Variants in SUCLG2 observed in about 807,000 individuals in gnomAD.
SUCLG2 encodes the protein succinate-CoA ligase GDP-forming subunit beta.
A neutral mutation model predicts 47.9 loss-of-function variants in SUCLG2; 42 were observed. The ratio of observed to expected loss-of-function variants is 0.88; its 90% CI spans 0.69 to 1.14. SUCLG2 has a LOEUF of 1.14. SUCLG2 is among the 50% of genes most tolerant of loss of function. The pLI, the probability that SUCLG2 is intolerant of heterozygous loss-of-function variation, is 0.00. For synonymous variants in SUCLG2, 195 were observed against 197.3 expected (o/e 0.99, Z 0.10); for missense variants, 571 against 525.9 (o/e 1.09, Z -0.84).
intron 1 of SUCLG2, among the ~76,000 whole-genome samples, chr3:67,651,786 A>G (rs936985557): frequency 1.2e-4 from 18 of 152,220 alleles, no homozygotes; most frequent in Admixed American, 7.8e-4. Flanking sequence ...AATTATGCCA[A>G]TCAAAAACAC....
intron 2 of SUCLG2, among the ~76,000 whole-genome samples, chr3:67,563,327 A>G (rs1276691848): frequency 6.6e-6 from 1 of 152,188 alleles, no homozygotes; most frequent in Non-Finnish European, 1.5e-5. Context: ...GACTTTGAAC[A>G]AGGCCCGTCA....
intron 2 of SUCLG2, among the ~76,000 whole-genome samples, chr3:67,537,466 T>C (rs1706576138): frequency 6.6e-6 from 1 of 152,246 alleles, no homozygotes; most frequent in African/African-American, 2.4e-5. Context: ...ATTCAGCCTA[T>C]CACTGATGGG....
chr3:67,371,877 C>T (rs1011702401), downstream of SUCLG2, among the ~76,000 whole-genome samples: 3 of 152,104 alleles, frequency 2.0e-5, no homozygotes, highest in Non-Finnish European at 4.4e-5. Context: ...CTTAAATTCT[C>T]GGAGTTACAA....
rs1261813842 is a variant in SUCLG2, at chr3:67,444,986, G to A, written c.1063-44135C>T. Among the ~76,000 whole-genome samples, 4 of 40,426 alleles carry A rather than the reference G, an allele frequency of 9.9e-5. 2 individuals are homozygous for A. In the Admixed American group the frequency reaches 1.1e-3, roughly 11 times the overall value. The allele number at this position is 40,426 out of a possible 152,430, so 26.5% of individuals were successfully genotyped here. A position where few individuals can be genotyped will look rare whatever the true frequency, so the allele number is the denominator to read the frequency against. ...CTGCCCGGCCAGCCGCCCCGTCTGG[G>A]AGGGAGGTTGGGGGGTCAGCCCCCC... On this transcript the variant is annotated intron_variant, in intron 9 of 10. Transcript: ENST00000307227.
intron 10 of SUCLG2, among the ~76,000 whole-genome samples, chr3:67,386,404 C>CA (rs1166024928): frequency 6.6e-6 from 1 of 152,112 alleles, no homozygotes; most frequent in Non-Finnish European, 1.5e-5. Flanking sequence ...TCAACAAACT[C>CA]AGATTACTAT....
intron 9 of SUCLG2, among the ~76,000 whole-genome samples, chr3:67,465,485 C>G (rs1269454202): frequency 6.6e-6 from 1 of 152,212 alleles, no homozygotes; most frequent in Admixed American, 6.5e-5. Flanking sequence ...GAATCCCTCT[C>G]TGGCCACCCC....
chr3:67,651,089 T>C (rs1033195214), intron 1 of SUCLG2, among the ~76,000 whole-genome samples: 7 of 152,216 alleles, frequency 4.6e-5, no homozygotes, highest in Admixed American at 2.6e-4. Flanking sequence ...TAACCATGGT[T>C]AGACCCTTAC....
downstream of SUCLG2, among the ~76,000 whole-genome samples, chr3:67,371,563 G>C (rs191162668): frequency 5.9e-5 from 9 of 152,286 alleles, no homozygotes; most frequent in Non-Finnish European, 1.0e-4. Context: ...CTTATGCCTT[G>C]TGCAAGTCCC....
chr3:67,364,341 A>G (rs1457495680), intron 10 of SUCLG2, among the ~76,000 whole-genome samples: 1 of 151,764 alleles, frequency 6.6e-6, no homozygotes, highest in Middle Eastern at 3.2e-3. Flanking sequence ...CTGGCCTTCC[A>G]CCCCTGCTCA....
intron 10 of SUCLG2, among the ~76,000 whole-genome samples, chr3:67,388,207 T>C (rs1702301267): frequency 3.3e-5 from 5 of 152,208 alleles, no homozygotes; most frequent in Admixed American, 1.3e-4. Context: ...TCCAAATTTA[T>C]GCAAAGAAAA....
intron 9 of SUCLG2, among the ~76,000 whole-genome samples, chr3:67,412,626 T>C (rs114176191): frequency 0.01 from 1,587 of 152,168 alleles, 17 homozygotes; most frequent in Non-Finnish European, 0.017. Flanking sequence ...TTGTCTTGGG[T>C]GGCTGTTTCC....
Position 67,407,205 on chromosome 3 carries a change from CA to C in SUCLG2, c.1063-6355del, listed in dbSNP as rs567494448. Among the ~76,000 whole-genome samples the C allele has an allele frequency of 4.6e-5, 7 of 152,292 alleles. No individual in the cohort carries two copies. The East Asian group carries it at 1.4e-3, about 29-fold the overall frequency. On this transcript the variant is annotated intron_variant, in intron 9 of 10. Transcript: ENST00000307227. Reference sequence around the variant, plus strand: ...AACAAGCGGTGAGCCAGATTTGGCCCACAGGTCATAGTTTGCTAACCTGACA... The same window carrying C: ...AACAAGCGGTGAGCCAGATTTGGCCCCAGGTCATAGTTTGCTAACCTGACA...
At chr3:67,406,130 G>A (rs1463860633) in intron 9 of SUCLG2, among the ~76,000 whole-genome samples, 2 of 152,076 alleles carry the variant, frequency 1.3e-5, no homozygotes, top group Non-Finnish European at 2.9e-5. Flanking sequence ...AAGACTCAGA[G>A]GTAGAAACAA....
chr3:67,623,910 G>A (rs1038486152), intron 1 of SUCLG2, among the ~76,000 whole-genome samples: 1 of 152,168 alleles, frequency 6.6e-6, no homozygotes, highest in African/African-American at 2.4e-5. Flanking sequence ...ATTACCAGGG[G>A]TCAAACATGT....
intron 9 of SUCLG2, among the ~76,000 whole-genome samples, chr3:67,476,531 C>T (rs1338753476): frequency 1.3e-5 from 2 of 152,074 alleles, no homozygotes; most frequent in African/African-American, 4.8e-5. Flanking sequence ...TATTTCATTA[C>T]ATATTACAAT....
intron 9 of SUCLG2, among the ~76,000 whole-genome samples, chr3:67,414,475 G>C (rs918060908): frequency 3.3e-5 from 5 of 152,156 alleles, no homozygotes; most frequent in Non-Finnish European, 7.3e-5. Flanking sequence ...TGCCAGACAG[G>C]TAAGTAAATG....
intron 9 of SUCLG2, among the ~76,000 whole-genome samples, chr3:67,459,873 G>A (rs1199846766): frequency 6.6e-6 from 1 of 152,128 alleles, no homozygotes; most frequent in East Asian, 1.9e-4. Context: ...CTCAGTCTAA[G>A]AGGGCTGCTG....
chr3:67,476,684 A>G (rs1393784993), intron 9 of SUCLG2, among the ~76,000 whole-genome samples: 2 of 152,204 alleles, frequency 1.3e-5, no homozygotes, highest in Non-Finnish European at 2.9e-5. Context: ...CCCTGGTACC[A>G]AAATGGTTGG....
intron 9 of SUCLG2, among the ~76,000 whole-genome samples, chr3:67,454,137 T>G (rs80209131): frequency 6.6e-6 from 1 of 152,186 alleles, no homozygotes; most frequent in East Asian, 1.9e-4. Context: ...CAATGTTGGA[T>G]AAGAAGTTGA....
Sources: gnomAD v4.1 joint callset for allele counts (sites outside exome capture counted in the v4.1 genomes callset) on GRCh38, gnomAD v4.1.1 for gene constraint, MANE v1.5 for transcripts, NCBI Gene and HGNC (gene_info 2026-07-23, HGNC 2026-07-21) for gene names.